Variants in TTC7A observed in about 807,000 individuals in gnomAD.
The protein encoded by TTC7A is tetratricopeptide repeat protein 7A.
In TTC7A, 110 loss-of-function variants were observed where a neutral mutation model predicts 103.7. The ratio of observed to expected loss-of-function variants is 1.06; its 90% CI spans 0.91 to 1.24. The LOEUF (loss-of-function observed/expected upper bound fraction) is 1.24, where lower values mean the gene tolerates loss of function less well. Among genes scored for constraint, TTC7A ranks in the 50% most tolerant of loss-of-function variants. TTC7A has a pLI of 0.00. For missense variants in TTC7A, 1,340 were observed against 1,116.3 expected (o/e 1.20, Z -2.86); for synonymous variants, 521 against 467.9 (o/e 1.11, Z -1.47).
At chr2:47,015,419 ACCT>A (rs1244869634) in intron 11 of TTC7A, among the ~76,000 whole-genome samples, 2 of 152,152 alleles carry the variant, frequency 1.3e-5, no homozygotes, top group African/African-American at 4.8e-5. Context: ...GCCATCTCTC[ACCT>A]CCTTCCTGAG....
intron 15 of TTC7A, among the ~76,000 whole-genome samples, chr2:47,035,014 C>T (rs1280102917): frequency 6.6e-6 from 1 of 152,250 alleles, no homozygotes; most frequent in African/African-American, 2.4e-5. Context: ...CATACCTTGA[C>T]TGACTTCAGC....
intron 18 of TTC7A, among the ~76,000 whole-genome samples, chr2:47,055,405 C>T (rs1017785125): frequency 7.9e-5 from 12 of 152,144 alleles, no homozygotes; most frequent in East Asian, 7.7e-4. Flanking sequence ...CAGTCCAGTG[C>T]GAGAAGCTGA....
intron 15 of TTC7A, among the ~76,000 whole-genome samples, chr2:47,034,534 G>A (rs1477709147): frequency 6.6e-6 from 1 of 152,202 alleles, no homozygotes; most frequent in East Asian, 1.9e-4. Flanking sequence ...TTGGGCTTTA[G>A]TCAGGCCGCT....
intron 15 of TTC7A, among the ~76,000 whole-genome samples, chr2:47,042,675 A>AGTGTGTGT (rs10587096): frequency 0.015 from 2,256 of 148,460 alleles, 57 homozygotes; most frequent in African/African-American, 0.054. Context: ...CTGAGCCCCA[A>AGTGTGTGT]GTGTGTGTGT....
intron 18 of TTC7A, among the ~76,000 whole-genome samples, chr2:47,053,074 A>G (rs1683005264): frequency 6.6e-6 from 1 of 152,104 alleles, no homozygotes; most frequent in Admixed American, 6.5e-5. Context: ...GAATCTGCAA[A>G]AAACATTGGA....
At chr2:47,045,852 C>T (rs146667570) in intron 15 of TTC7A, among the ~76,000 whole-genome samples, 11 of 152,324 alleles carry the variant, frequency 7.2e-5, no homozygotes, top group African/African-American at 2.2e-4. Context: ...CCTTCACTCA[C>T]GGATTCTAAG....
At chr2:47,055,295 C>T (rs1055241604) in intron 18 of TTC7A, among the ~76,000 whole-genome samples, 1 of 152,214 alleles carries the variant, frequency 6.6e-6, no homozygotes, top group South Asian at 2.1e-4. Flanking sequence ...TAAGTTCCAT[C>T]GTGAATTCAC....
chr2:47,017,115 G>A (rs183779227), intron 11 of TTC7A, among the ~76,000 whole-genome samples: 4 of 147,008 alleles, frequency 2.7e-5, no homozygotes, highest in African/African-American at 7.6e-5. Context: ...CAGGAAAATC[G>A]CTTCAACCCA....
At chr2:47,046,639 G>A (rs755825602) in intron 16 of TTC7A, among the ~76,000 whole-genome samples, 4 of 152,212 alleles carry the variant, frequency 2.6e-5, no homozygotes, top group East Asian at 1.9e-4. Flanking sequence ...GAGACCCTAC[G>A]TAGGACATTG....
intron 2 of TTC7A, among the ~76,000 whole-genome samples, chr2:46,929,001 A>G (rs1669552160): frequency 6.6e-6 from 1 of 151,682 alleles, no homozygotes; most frequent in African/African-American, 2.4e-5. Context: ...TGTCTCTACT[A>G]AAAATACAAA....
intron 11 of TTC7A, among the ~76,000 whole-genome samples, chr2:47,012,755 C>T (rs1349968586): frequency 1.3e-5 from 2 of 152,300 alleles, no homozygotes; most frequent in East Asian, 1.9e-4. Flanking sequence ...CTCTCTGCTC[C>T]AGGGAGTCAG....
At chr2:46,979,543 G>A (rs1201727179) in intron 5 of TTC7A, among the ~76,000 whole-genome samples, 4 of 152,178 alleles carry the variant, frequency 2.6e-5, no homozygotes, top group South Asian at 2.1e-4. Context: ...AATGCCTTCC[G>A]TAGGCTTTTG....
intron 1 of TTC7A, among the ~76,000 whole-genome samples, chr2:46,943,179 A>G (rs1170046816): frequency 6.6e-6 from 1 of 152,204 alleles, no homozygotes; most frequent in African/African-American, 2.4e-5. Flanking sequence ...CTGGGATTAC[A>G]GGCATGAACC....
chr2:46,916,037 G>A, upstream of TTC7A: 1 of 985,418 alleles, frequency 1.0e-6, no homozygotes. Flanking sequence ...GGACGCCCTA[G>A]GGGCCCGGCA....
At chr2:47,023,583 AG>A in intron 13 of TTC7A, 118 bp downstream of exon 13, 2 of 1,108,834 alleles carry the variant, frequency 1.8e-6, no homozygotes, top group East Asian at 2.5e-5. Context: ...TCCATTTTAC[AG>A]ATGAGGGAAC....
chr2:47,017,655 T>C (rs1363937313), intron 11 of TTC7A, among the ~76,000 whole-genome samples: 2 of 152,168 alleles, frequency 1.3e-5, no homozygotes, highest in African/African-American at 4.8e-5. Flanking sequence ...GATGGAAAGC[T>C]CGACCAGCTC....
At chr2:47,002,708 A>G (rs1023872324) in intron 8 of TTC7A, among the ~76,000 whole-genome samples, 5 of 151,982 alleles carry the variant, frequency 3.3e-5, no homozygotes, top group African/African-American at 9.7e-5. Context: ...TGGCTTACCC[A>G]CCAGCCCCCA....
chr2:46,974,712 G>A (rs562125277), intron 3 of TTC7A: 21 of 574,798 alleles, frequency 3.7e-5, no homozygotes, highest in African/African-American at 3.3e-4. Context: ...TTACAGAGGA[G>A]GGGTCAGGAG....
chr2:46,929,105 G>A (rs1176218229), intron 2 of TTC7A, among the ~76,000 whole-genome samples: 2 of 152,206 alleles, frequency 1.3e-5, no homozygotes, highest in Non-Finnish European at 2.9e-5. Context: ...GGAGGTTGGA[G>A]TGAGCCAAGA....
Sources: allele counts gnomAD v4.1 joint callset (sites outside exome capture counted in the v4.1 genomes callset), GRCh38; gene constraint gnomAD v4.1.1; transcripts MANE v1.5; gene names NCBI Gene and HGNC (gene_info 2026-07-23, HGNC 2026-07-21).